The following ERC2 variants were observed in gnomAD, a reference collection of about 807,000 sequenced individuals.
ERC2 encodes ERC protein 2.
Under a neutral mutation model 114.8 loss-of-function variants are expected in ERC2, and 42 were observed. That is an observed-to-expected ratio of 0.37 (90% CI 0.29 to 0.47). The LOEUF is 0.47. ERC2 is among the 20% of genes least tolerant of loss of function. The pLI is 0.99. For missense variants in ERC2, 939 were observed against 1,150.7 expected, an observed-to-expected ratio of 0.82 and a Z score of 2.66; for synonymous variants, 454 against 425.5, an observed-to-expected ratio of 1.07 and a Z score of -0.82.
intron 2 of ERC2, among the ~76,000 whole-genome samples, chr3:56,297,229 A>T (rs949203952): frequency 1.3e-5 from 2 of 152,106 alleles, no homozygotes; most frequent in African/African-American, 4.8e-5. Flanking sequence ...AAGAAGAAAA[A>T]AAAAAAGAAA....
chr3:55,954,420 C>G (rs2067803404), intron 12 of ERC2, among the ~76,000 whole-genome samples: 1 of 152,168 alleles, frequency 6.6e-6, no homozygotes, highest in South Asian at 2.1e-4. Flanking sequence ...GCCATTTTCA[C>G]TAGAATTATC....
At chr3:56,037,299 C>T (rs139717957) in intron 7 of ERC2, among the ~76,000 whole-genome samples, 1 of 152,078 alleles carries the variant, frequency 6.6e-6, no homozygotes, top group South Asian at 2.1e-4. Flanking sequence ...AAGCTAAGAA[C>T]CCTGATAAAA....
At chr3:55,988,446 A>G (rs1460482895) in intron 11 of ERC2, among the ~76,000 whole-genome samples, 2 of 152,236 alleles carry the variant, frequency 1.3e-5, no homozygotes, top group Non-Finnish European at 2.9e-5. Context: ...ATGGCTGATG[A>G]GAAACACCAC....
In ERC2 at chr3:56,434,495, C is replaced by T. The variant is rs2061931578; in HGVS notation, c.513G>A (p.Lys171=). The change falls in exon 2 of 18, where the codon AAG becomes AAA. Residue 171 remains lysine (K), a synonymous_variant. Transcript: ENST00000288221. ...NDLLRKELDI[K]DSKLGSSMNS... Reference sequence around the variant, plus strand: ...TCATGGAAGATCCCAATTTGCTGTCCTTGATGTCTAGCTCTTTCCGGAGGA... The same window carrying T: ...TCATGGAAGATCCCAATTTGCTGTCTTTGATGTCTAGCTCTTTCCGGAGGA... 3 of 1,613,974 alleles carry T rather than the reference C, an allele frequency of 1.9e-6. No homozygotes were observed. The highest frequency in any genetic ancestry group is 2.5e-6 in the Non-Finnish European group (3 of 1,179,878).
chr3:55,908,894 C>T (rs2064630215), intron 13 of ERC2, among the ~76,000 whole-genome samples: 1 of 152,186 alleles, frequency 6.6e-6, no homozygotes, highest in South Asian at 2.1e-4. Context: ...TTAAGTAATG[C>T]AGAGAAAACT....
chr3:56,158,373 A>G (rs2081855685), intron 4 of ERC2, among the ~76,000 whole-genome samples: 1 of 152,058 alleles, frequency 6.6e-6, no homozygotes, highest in African/African-American at 2.4e-5. Context: ...TCAACATGCA[A>G]ACTATGTGTG....
chr3:55,901,945 G>C (rs2064158076), intron 13 of ERC2, among the ~76,000 whole-genome samples: 1 of 152,194 alleles, frequency 6.6e-6, no homozygotes. Context: ...ACTTTCTTAA[G>C]AGTCATGTGA....
intron 12 of ERC2, among the ~76,000 whole-genome samples, chr3:55,972,090 C>T (rs1425201151): frequency 6.6e-6 from 1 of 152,150 alleles, no homozygotes; most frequent in Non-Finnish European, 1.5e-5. Flanking sequence ...ATCCTTCCAT[C>T]CATCCATCCA....
At chr3:55,624,853 C>T (rs140554130) in intron 17 of ERC2, among the ~76,000 whole-genome samples, 8 of 152,232 alleles carry the variant, frequency 5.3e-5, no homozygotes, top group African/African-American at 1.4e-4. Flanking sequence ...GTCCTGAAGC[C>T]ACTGAATGAG....
chr3:56,434,727 C>A lies in ERC2; in HGVS notation c.281G>T (p.Arg94Leu). 6.2e-7 allele frequency: 1 copy of A among 1,613,998 alleles called. No individual in the cohort carries two copies. Among genetic ancestry groups the A allele is most frequent in the South Asian group, 1.1e-5 (1 of 91,076 alleles). Residue 94 changes from arginine to leucine, a missense_variant, in exon 2 of 18, where the codon CGT becomes CTT. Arg to Leu is a moderately radical substitution (Grantham distance 102). Coordinates refer to ENST00000288221, the MANE Select transcript of ERC2 (RefSeq NM_015576.3). The part of the protein sequence containing the change: ...RATNRAVYGG[R>L]VTAMGSSPNI... ...GGGACTACTCCCCATGGCTGTGACA[C>A]GGCCTCCATATACAGCTCGATTTGT...
chr3:55,692,088 A>C (rs576772587), intron 16 of ERC2, among the ~76,000 whole-genome samples: 1 of 152,216 alleles, frequency 6.6e-6, no homozygotes, highest in Non-Finnish European at 1.5e-5. Context: ...TACAGAATTC[A>C]TCTTCTGGGG....
intron 14 of ERC2, among the ~76,000 whole-genome samples, chr3:55,857,715 C>T (rs2061853487): frequency 6.6e-6 from 1 of 152,134 alleles, no homozygotes; most frequent in South Asian, 2.1e-4. Flanking sequence ...TACTCAGGCT[C>T]CTTGGAGAGA....
intron 13 of ERC2, among the ~76,000 whole-genome samples, chr3:55,898,461 C>T (rs553867188): frequency 2.5e-4 from 38 of 152,152 alleles, no homozygotes; most frequent in Non-Finnish European, 2.8e-4. Context: ...CAGGCCCCAG[C>T]TACATGCTGA....
At chr3:56,009,869 T>C (rs1038932727) in intron 9 of ERC2, among the ~76,000 whole-genome samples, 2 of 152,186 alleles carry the variant, frequency 1.3e-5, no homozygotes, top group African/African-American at 4.8e-5. Context: ...GCATTTATAT[T>C]CTGTATTCAT....
chr3:55,532,988 AG>A (rs1184900224), intron 17 of ERC2, among the ~76,000 whole-genome samples: 1 of 152,220 alleles, frequency 6.6e-6, no homozygotes, highest in Non-Finnish European at 1.5e-5. Flanking sequence ...TTCTCTGGTG[AG>A]GGCCCTTGGC....
intron 13 of ERC2, among the ~76,000 whole-genome samples, chr3:55,922,120 G>T (rs2065465220): frequency 6.6e-6 from 1 of 152,052 alleles, no homozygotes; most frequent in Non-Finnish European, 1.5e-5. Flanking sequence ...AACTGTCTCA[G>T]AATACTTCTG....
intron 15 of ERC2, among the ~76,000 whole-genome samples, chr3:55,710,726 G>A (rs1358793421): frequency 6.6e-6 from 1 of 152,170 alleles, no homozygotes; most frequent in Non-Finnish European, 1.5e-5. Flanking sequence ...CGGGTAACTT[G>A]AAAGTTGGGG....
intron 13 of ERC2, among the ~76,000 whole-genome samples, chr3:55,933,225 G>A (rs892773334): frequency 6.7e-6 from 1 of 149,970 alleles, no homozygotes; most frequent in African/African-American, 2.4e-5. Flanking sequence ...AAAAAAAAGA[G>A]AGAGAATAAA....
chr3:55,734,469 A>C (rs2065497254), intron 15 of ERC2, among the ~76,000 whole-genome samples: 2 of 152,200 alleles, frequency 1.3e-5, no homozygotes, highest in Admixed American at 6.5e-5. Flanking sequence ...ATTTAATCAG[A>C]AGTCAAACAA....
Sources: allele counts gnomAD v4.1 joint callset (sites outside exome capture counted in the v4.1 genomes callset), GRCh38; gene constraint gnomAD v4.1.1; transcripts MANE v1.5; gene names NCBI Gene and HGNC (gene_info 2026-07-23, HGNC 2026-07-21).